PSD3: variants seen among roughly 807,000 people sequenced by gnomAD.
The protein encoded by PSD3 is pleckstrin and Sec7 domain containing 3.
PSD3 carries 49 observed loss-of-function variants against 105.5 expected under a neutral mutation model. That is an observed-to-expected ratio of 0.46 (90% CI 0.37 to 0.59). The LOEUF (loss-of-function observed/expected upper bound fraction) is 0.59, where lower values mean the gene tolerates loss of function less well. Among genes scored for constraint, PSD3 ranks in the 20% least tolerant of loss-of-function variants. PSD3 has a pLI of 0.00. For synonymous variants in PSD3, 557 were observed against 457.8 expected (o/e 1.22, Z -2.77); for missense variants, 1,561 against 1,263.8 (o/e 1.24, Z -3.57).
At chr8:18,968,062 TC>T (rs11300611) in intron 1 of PSD3, among the ~76,000 whole-genome samples, 46,037 of 151,992 alleles carry the variant, frequency 0.3, 7,400 homozygotes, top group Middle Eastern at 0.52. Context: ...CATCTCAAGC[TC>T]CTCACGGTGG....
chr8:18,916,191 C>CA (rs1820571712), intron 2 of PSD3, among the ~76,000 whole-genome samples: 1 of 151,162 alleles, frequency 6.6e-6, no homozygotes. Context: ...GTTAGCATGT[C>CA]AAAGAGATAT....
At chr8:18,781,052 T>G (rs913802844) in intron 8 of PSD3, among the ~76,000 whole-genome samples, 1 of 152,282 alleles carries the variant, frequency 6.6e-6, no homozygotes, top group East Asian at 1.9e-4. Context: ...ACAGTTGTGT[T>G]TTTTTGTTTG....
chr8:18,543,811 A>C (rs1800286894), intron 15 of PSD3, among the ~76,000 whole-genome samples: 1 of 152,226 alleles, frequency 6.6e-6, no homozygotes, highest in Non-Finnish European at 1.5e-5. Flanking sequence ...TTTGAAAAGT[A>C]GTTTAATCAT....
intron 9 of PSD3, among the ~76,000 whole-genome samples, chr8:18,737,566 T>G (rs1273286263): frequency 1.3e-5 from 2 of 152,102 alleles, no homozygotes; most frequent in African/African-American, 4.8e-5. Flanking sequence ...CCTCCCAGAG[T>G]GCTGGGATTA....
intron 10 of PSD3, among the ~76,000 whole-genome samples, chr8:18,649,423 G>A (rs899573373): frequency 6.6e-6 from 1 of 152,212 alleles, no homozygotes; most frequent in Admixed American, 6.5e-5. Context: ...TCTTTTGGCT[G>A]CTTTCTTCCT....
At chr8:18,889,869 A>G (rs561789065) in intron 2 of PSD3, among the ~76,000 whole-genome samples, 113 of 152,326 alleles carry the variant, frequency 7.4e-4, no homozygotes, top group Non-Finnish European at 1.2e-3. Context: ...CAAATGCACA[A>G]TGTATTTCCA....
chr8:18,667,510 A>C (rs1799540467), intron 9 of PSD3, among the ~76,000 whole-genome samples: 1 of 152,204 alleles, frequency 6.6e-6, no homozygotes, highest in African/African-American at 2.4e-5. Flanking sequence ...TGGTGCCTCC[A>C]CAAACCCTGA....
intron 15 of PSD3, among the ~76,000 whole-genome samples, chr8:18,539,640 T>G (rs540231448): frequency 6.6e-6 from 1 of 150,658 alleles, no homozygotes; most frequent in Non-Finnish European, 1.5e-5. Flanking sequence ...CTCTGCCGAC[T>G]GGGTTCAAGC....
intron 9 of PSD3, among the ~76,000 whole-genome samples, chr8:18,724,970 A>C (rs985594127): frequency 2.5e-4 from 38 of 152,350 alleles, no homozygotes; most frequent in Admixed American, 1.0e-3. Context: ...AAGAAAAAGA[A>C]AAGTCATGTA....
rs975092226 is a variant in PSD3 at position 19,068,374 on chromosome 8, C to T, written c.324+15832G>A. On this transcript the variant is annotated intron_variant, in intron 1 of 1. Transcript: ENST00000521475. ...GCATGATCCTGACTCACTGTAGCCT[C>T]GATCTTCAGGGCTTGAGAGATCCTC... Among the ~76,000 whole-genome samples, 29 of 151,868 alleles carry T rather than the reference C, an allele frequency of 1.9e-4. 1 individual carries two copies. In the South Asian group the frequency reaches 2.5e-3, roughly 13 times the overall value.
intron 9 of PSD3, among the ~76,000 whole-genome samples, chr8:18,738,805 C>G (rs904007134): frequency 3.3e-5 from 5 of 151,718 alleles, no homozygotes; most frequent in East Asian, 1.9e-4. Context: ...AAGAAGTAAG[C>G]TATACCACAC....
At chr8:18,854,919 G>A (rs1267444256) in intron 4 of PSD3, among the ~76,000 whole-genome samples, 5 of 152,154 alleles carry the variant, frequency 3.3e-5, no homozygotes, top group African/African-American at 7.2e-5. Flanking sequence ...CTTCAGACAC[G>A]TAAGTGGCCA....
At position 19,037,958 on chromosome 8, in the gene PSD3, G is replaced by GTA. The variant is rs1337509896; in HGVS notation, c.324+46246_324+46247dup. Among the ~76,000 whole-genome samples the GTA allele has an allele frequency of 7.4e-5, 11 of 148,690 alleles. No individual in the cohort carries two copies. The South Asian group carries it at 1.7e-3, about 23-fold the overall frequency. On this transcript the variant is annotated intron_variant, in intron 1 of 1. Coordinates refer to the PSD3 transcript ENST00000521475. ...TATTAAAGTTATATACACATTAAAA[G>GTA]TATATATATATAATTTTAGGAGAAA...
intron 9 of PSD3, among the ~76,000 whole-genome samples, chr8:18,739,239 C>A (rs1804380131): frequency 6.6e-6 from 1 of 151,968 alleles, no homozygotes; most frequent in African/African-American, 2.4e-5. Flanking sequence ...CAGATGATTC[C>A]CCCACAAAAA....
At chr8:19,015,524 G>A (rs77429520), upstream of PSD3, among the ~76,000 whole-genome samples, 3,872 of 152,248 alleles carry the variant, frequency 0.025, 163 homozygotes, top group African/African-American at 0.087. Context: ...TCAAAAGTAA[G>A]ACCCAGTACA....
intron 1 of PSD3, among the ~76,000 whole-genome samples, chr8:18,941,542 A>G (rs1053166101): frequency 2.0e-5 from 3 of 152,106 alleles, no homozygotes; most frequent in Non-Finnish European, 2.9e-5. Context: ...CAAAATCTCA[A>G]CCTTACATTT....
intron 2 of PSD3, among the ~76,000 whole-genome samples, chr8:18,874,509 T>C (rs1318661462): frequency 6.6e-6 from 1 of 151,778 alleles, no homozygotes; most frequent in African/African-American, 2.4e-5. Context: ...ACCTTCCTAT[T>C]TAGTGAAATA....
intron 1 of PSD3, among the ~76,000 whole-genome samples, chr8:18,951,173 T>C (rs372811980): frequency 3.3e-5 from 5 of 152,070 alleles, no homozygotes; most frequent in East Asian, 3.9e-4. Flanking sequence ...GGTGGGAAGG[T>C]TGCTTGAGCC....
At chr8:18,878,583 T>C (rs1251538455) in intron 2 of PSD3, among the ~76,000 whole-genome samples, 2 of 152,178 alleles carry the variant, frequency 1.3e-5, no homozygotes, top group African/African-American at 4.8e-5. Context: ...ACACGCTCCT[T>C]TGCCTTTGTT....
Sources: gnomAD v4.1 joint callset for allele counts (sites outside exome capture counted in the v4.1 genomes callset) on GRCh38, gnomAD v4.1.1 for gene constraint, MANE v1.5 for transcripts, NCBI Gene and HGNC (gene_info 2026-07-23, HGNC 2026-07-21) for gene names.